Variants in NPAS3 observed in about 807,000 individuals in gnomAD.
NPAS3 encodes the protein neuronal PAS domain protein 3.
In NPAS3, 14 loss-of-function variants were observed where a neutral mutation model predicts 73.1. That is an observed-to-expected ratio of 0.19 (90% confidence interval 0.13 to 0.30). NPAS3 has a LOEUF of 0.30. Among genes scored for constraint, NPAS3 ranks in the 10% least tolerant of loss-of-function variants. NPAS3 has a pLI of 1.00. For synonymous variants in NPAS3, 620 were observed against 541.5 expected (o/e 1.14, Z -2.01); for missense variants, 1,096 against 1,250.0 (o/e 0.88, Z 1.86).
At chr14:33,266,952 CA>C (rs1179416328) in intron 3 of NPAS3, among the ~76,000 whole-genome samples, 1 of 152,078 alleles carries the variant, frequency 6.6e-6, no homozygotes, top group Non-Finnish European at 1.5e-5. Context: ...ATTTTCTATC[CA>C]AAAGAGACAC....
chr14:33,747,483 C>T (rs1178777904), intron 7 of NPAS3, among the ~76,000 whole-genome samples: 1 of 152,190 alleles, frequency 6.6e-6, no homozygotes, highest in Non-Finnish European at 1.5e-5. Flanking sequence ...GGGATGCCCC[C>T]CATCCCACCA....
intron 5 of NPAS3, among the ~76,000 whole-genome samples, chr14:33,560,665 G>A (rs930657057): frequency 5.9e-5 from 9 of 152,136 alleles, no homozygotes; most frequent in African/African-American, 1.9e-4. Context: ...TGCAGGGAGG[G>A]TTCCAGCAAG....
At chr14:33,512,992 T>C (rs8018316) in intron 4 of NPAS3, among the ~76,000 whole-genome samples, 95,690 of 151,888 alleles carry the variant, frequency 0.63, 30,166 homozygotes, top group South Asian at 0.74. Flanking sequence ...GCAATTTTGA[T>C]GCTCTTTCTC....
At chr14:33,383,113 A>T (rs1371402154) in intron 4 of NPAS3, among the ~76,000 whole-genome samples, 1 of 149,444 alleles carries the variant, frequency 6.7e-6, no homozygotes, top group Non-Finnish European at 1.5e-5. Context: ...AAAAAAAAAA[A>T]TCACCTTTTA....
rs5807694 is a variant in NPAS3, at chr14:32,946,346, G to GCACACACACACACA, written c.50+6981_50+6982insACACACACACACAC. On this transcript the variant is annotated intron_variant, in intron 1 of 11. Transcript: ENST00000356141. ...CCCCATCCCCCCAACACACACACAC[G>GCACACACACACACA]CGCACACACACACACACACACACAC... is the stretch of plus-strand genomic sequence containing the variant. 3.3e-4 allele frequency among the ~76,000 whole-genome samples: 44 copies of GCACACACACACACA among 131,964 alleles called. 1 individual carries two copies. The highest frequency in any genetic ancestry group is 4.3e-4 in the African/African-American group (15 of 34,510). The allele number at this position is 131,964 out of a possible 152,430, so 86.6% of individuals were successfully genotyped here.
chr14:32,981,085 C>G (rs1456170061), intron 1 of NPAS3, among the ~76,000 whole-genome samples: 1 of 152,104 alleles, frequency 6.6e-6, no homozygotes, highest in Non-Finnish European at 1.5e-5. Flanking sequence ...CCACTTTCAG[C>G]CAGGAGTTAG....
At chr14:33,137,701 T>A (rs1483983359) in intron 2 of NPAS3, among the ~76,000 whole-genome samples, 2 of 152,182 alleles carry the variant, frequency 1.3e-5, no homozygotes, top group Non-Finnish European at 2.9e-5. Context: ...ATACTGTCAG[T>A]AATTTCTGGA....
chr14:33,412,165 C>A (rs967185547), intron 4 of NPAS3, among the ~76,000 whole-genome samples: 2 of 152,126 alleles, frequency 1.3e-5, no homozygotes, highest in African/African-American at 2.4e-5. Context: ...GTCCCCCAGG[C>A]TGGAATGCAG....
In NPAS3 at chr14:33,625,883, A is replaced by G. The variant is rs544434163; in HGVS notation, c.559-50328A>G. ...AAGTGAAAGGCTATTGGAATCATTT[A>G]TAAAAGTAAACTTTATTTTCTCCCT... is the stretch of plus-strand genomic sequence containing the variant. On this transcript the variant is annotated intron_variant, in intron 5 of 11. Transcript: ENST00000356141. 3.9e-5 allele frequency among the ~76,000 whole-genome samples: 6 copies of G among 152,362 alleles called. No homozygotes were observed. The East Asian group carries it at 9.6e-4, about 24-fold the overall frequency.
chr14:33,538,676 G>T (rs1388410957), intron 4 of NPAS3, among the ~76,000 whole-genome samples: 1 of 152,224 alleles, frequency 6.6e-6, no homozygotes, highest in African/African-American at 2.4e-5. Flanking sequence ...GGTAACCTAG[G>T]AGAGTGGCAT....
intron 1 of NPAS3, among the ~76,000 whole-genome samples, chr14:32,983,777 A>G (rs1056288191): frequency 2.6e-5 from 4 of 152,118 alleles, no homozygotes; most frequent in Non-Finnish European, 5.9e-5. Flanking sequence ...GCTGTAGTGC[A>G]GTGGCATGAT....
chr14:33,287,650 T>C (rs879531889), intron 3 of NPAS3, among the ~76,000 whole-genome samples: 2 of 152,188 alleles, frequency 1.3e-5, no homozygotes, highest in Non-Finnish European at 2.9e-5. Context: ...ATACTGTATC[T>C]ACATCACGCT....
chr14:33,753,358 T>TAAA (rs34619014), intron 7 of NPAS3, among the ~76,000 whole-genome samples: 3,031 of 129,406 alleles, frequency 0.023, 43 homozygotes, highest in Middle Eastern at 0.066. Context: ...GTTAAATTGA[T>TAAA]AAAAAAAAAA....
At chr14:33,446,570 A>C (rs1275688861) in intron 4 of NPAS3, among the ~76,000 whole-genome samples, 2 of 152,230 alleles carry the variant, frequency 1.3e-5, no homozygotes, top group African/African-American at 4.8e-5. Flanking sequence ...CTCCCTCGGA[A>C]GAGATGGAGA....
chr14:33,383,424 A>G (rs990362339), intron 4 of NPAS3, among the ~76,000 whole-genome samples: 15 of 152,186 alleles, frequency 9.9e-5, no homozygotes, highest in Non-Finnish European at 2.1e-4. Flanking sequence ...GTGCATTCTT[A>G]TCACTTGAAG....
chr14:33,696,726 T>C (rs1352797699), intron 6 of NPAS3, among the ~76,000 whole-genome samples: 1 of 152,238 alleles, frequency 6.6e-6, no homozygotes, highest in African/African-American at 2.4e-5. Context: ...AAAGTACATT[T>C]GCTGTAAACC....
chr14:33,611,501 C>T (rs112177724), intron 5 of NPAS3, among the ~76,000 whole-genome samples: 5,992 of 151,880 alleles, frequency 0.039, 156 homozygotes, highest in African/African-American at 0.056. Flanking sequence ...AGTCTTAGAC[C>T]GGGGGAGCTA....
chr14:33,353,733 T>C (rs1420241446), intron 3 of NPAS3, among the ~76,000 whole-genome samples: 1 of 152,212 alleles, frequency 6.6e-6, no homozygotes, highest in East Asian at 1.9e-4. Flanking sequence ...ATTTCCTATT[T>C]ACGCAGAGGA....
chr14:33,751,629 C>T (rs1259062545), intron 7 of NPAS3, among the ~76,000 whole-genome samples: 1 of 152,204 alleles, frequency 6.6e-6, no homozygotes, highest in Non-Finnish European at 1.5e-5. Context: ...ACCTACATTT[C>T]AGGCGCCCAC....
Sources: gnomAD v4.1 joint callset for allele counts (sites outside exome capture counted in the v4.1 genomes callset) on GRCh38, gnomAD v4.1.1 for gene constraint, MANE v1.5 for transcripts, NCBI Gene and HGNC (gene_info 2026-07-23, HGNC 2026-07-21) for gene names.